ZEB2: variants seen among roughly 807,000 people sequenced by gnomAD.
The protein encoded by ZEB2 is zinc finger E-box binding homeobox 2.
ZEB2 carries 6 observed loss-of-function variants against 99.9 expected under a neutral mutation model. That is an observed-to-expected ratio of 0.06 (90% confidence interval 0.03 to 0.12). ZEB2 has a LOEUF of 0.12. Ranked by LOEUF, ZEB2 falls within the 10% of genes least tolerant of loss-of-function variation. The pLI is 1.00. For synonymous variants in ZEB2, 517 were observed against 542.5 expected (o/e 0.95, Z 0.65); for missense variants, 969 against 1,502.8 (o/e 0.64, Z 5.87).
At chr2:144,457,319 C>T (rs1346015829) in intron 2 of ZEB2, among the ~76,000 whole-genome samples, 1 of 152,134 alleles carries the variant, frequency 6.6e-6, no homozygotes, top group African/African-American at 2.4e-5. Context: ...GAAATTTTAA[C>T]TGACTTTTTC....
intron 2 of ZEB2, among the ~76,000 whole-genome samples, chr2:144,442,978 T>C (rs935598965): frequency 3.3e-5 from 5 of 152,192 alleles, no homozygotes; most frequent in Admixed American, 6.5e-5. Context: ...TTCATTATTT[T>C]TCAATGATAT....
At chr2:144,475,784 C>G (rs944464422) in intron 2 of ZEB2, among the ~76,000 whole-genome samples, 2 of 152,166 alleles carry the variant, frequency 1.3e-5, no homozygotes, top group Non-Finnish European at 2.9e-5. Flanking sequence ...CTGTCAAACC[C>G]ATACATGTGA....
intron 2 of ZEB2, among the ~76,000 whole-genome samples, chr2:144,440,511 ATATATTTTTTTTTTTTTTTTT>A (rs1283353190): frequency 0.25 from 7,564 of 29,668 alleles, 238 homozygotes; most frequent in East Asian, 0.41. Context: ...ATATATATAT[ATATATTTTTTTTTTTTTTTTT>A]TTTTTTTTTT....
At position 144,399,788 on chromosome 2, in the gene ZEB2, C is replaced by T; in HGVS notation, c.1399G>A (p.Val467Met). The T allele has an allele frequency of 6.2e-7, 1 of 1,614,106 alleles. No homozygotes were observed. The highest frequency in any genetic ancestry group is 8.5e-7 in the Non-Finnish European group (1 of 1,180,010). Residue 467 changes from valine (V) to methionine (M), a missense_variant, in exon 8 of 10, where the codon GTG becomes ATG. By Grantham distance (21) the Val-to-Met change is conservative. Transcript: ENST00000627532. This position sits in a 1 kb window ranked among gnomAD's most constrained non-coding sequence, Gnocchi z 5.6. ...TTTTGCCTGGAAACAGTATTGTCCA[C>T]AATCTGTAGAACCTTTTGTACCTCA... ...LSEVQKVLQI[V>M]DNTVSRQKMD... is the part of the protein sequence containing the mutation.
At chr2:144,511,335 AC>A (rs1275987232) in intron 2 of ZEB2, 1 of 1,120,256 alleles carries the variant, frequency 8.9e-7, no homozygotes, top group South Asian at 1.9e-5. Context: ...CAGAGGAAAC[AC>A]AAGACAAAAC....
rs776316097 is a variant in ZEB2 at position 144,418,894 on chromosome 2, C to T, written c.403+5902G>A. On this transcript the variant is annotated intron_variant, in intron 4 of 9. Transcript: ENST00000627532. ...GTGTACACTGCTTGGGTGATGGGTGCGCCAAAACCTCAGAAATCACTACTA... is the reference window on the plus strand; with the variant it reads ...GTGTACACTGCTTGGGTGATGGGTGTGCCAAAACCTCAGAAATCACTACTA... Among the ~76,000 whole-genome samples the T allele has an allele frequency of 5.7e-4, 86 of 151,586 alleles. 1 individual carries two copies. The highest frequency in any genetic ancestry group is 9.6e-4 in the Non-Finnish European group (65 of 67,952).
intron 2 of ZEB2, chr2:144,461,852 C>T (rs1023109502): frequency 6.6e-6 from 1 of 152,150 alleles, no homozygotes; most frequent in African/African-American, 2.4e-5. Flanking sequence ...CGCAGATCAC[C>T]GTTTTATTAC....
Position 144,388,656 on chromosome 2 carries a change from A to G in ZEB2, c.*795T>C, listed in dbSNP as rs1315331554. The G allele has an allele frequency of 3.3e-5, 6 of 181,076 alleles. No homozygotes were observed. The highest frequency in any genetic ancestry group is 7.1e-5 in the Non-Finnish European group (6 of 84,408). 11.2% of individuals were successfully genotyped at this position (181,076 alleles called of 1,614,324 possible). A position where few individuals can be genotyped will look rare whatever the true frequency, so the allele number is the denominator to read the frequency against. On this transcript the variant is annotated 3_prime_UTR_variant, in exon 10 of 10. Transcript: ENST00000627532. The surrounding 1 kb of genome is among the most constrained non-coding windows in gnomAD (Gnocchi z 5.4). ...TAATACTGACATGGGTGCTTCAAAGAACAGGGTGAGCTTAACACTGAAGCT... is the reference window on the plus strand; with the variant it reads ...TAATACTGACATGGGTGCTTCAAAGGACAGGGTGAGCTTAACACTGAAGCT...
intron 2 of ZEB2, among the ~76,000 whole-genome samples, chr2:144,478,661 C>T (rs963118009): frequency 3.3e-5 from 5 of 152,162 alleles, no homozygotes; most frequent in Admixed American, 1.3e-4. Context: ...TTGTATTCAA[C>T]GCCAATGCAA....
intron 2 of ZEB2, among the ~76,000 whole-genome samples, chr2:144,487,007 G>A (rs1246373569): frequency 6.6e-6 from 1 of 152,066 alleles, no homozygotes; most frequent in Non-Finnish European, 1.5e-5. Flanking sequence ...TAATTTGATA[G>A]GAAACTTCAA....
chr2:144,512,873 C>T, intron 2 of ZEB2: 1 of 1,287,232 alleles, frequency 7.8e-7, no homozygotes, highest in East Asian at 5.5e-5. Flanking sequence ...TTGGAGCGCC[C>T]TCAGAACTGG....
At chr2:144,434,703 T>C (rs1401060104) in intron 2 of ZEB2, among the ~76,000 whole-genome samples, 1 of 152,222 alleles carries the variant, frequency 6.6e-6, no homozygotes, top group East Asian at 1.9e-4. Context: ...ATTGTTACTT[T>C]CATGGATCCC....
In ZEB2 at chr2:144,424,878, A is replaced by G. The variant is rs1367365874; in HGVS notation, c.332-11T>C. ...CTTCCTTCATTTCTTCTGTGGGGGA[A>G]AATTATCTTTAGCATTTGAGAATTG... is the stretch of plus-strand genomic sequence containing the variant. On this transcript the variant is annotated splice_polypyrimidine_tract_variant and intron_variant, in intron 3 of 9. Coordinates refer to ENST00000627532, the MANE Select transcript of ZEB2 (RefSeq NM_014795.4). 6.2e-6 allele frequency: 10 copies of G among 1,613,742 alleles called. No individual in the cohort carries two copies. In the African/African-American group the frequency reaches 1.2e-4, roughly 19 times the overall value.
At chr2:144,415,795 A>C (rs1262665861) in intron 4 of ZEB2, among the ~76,000 whole-genome samples, 1 of 152,374 alleles carries the variant, frequency 6.6e-6, no homozygotes, top group South Asian at 2.1e-4. Flanking sequence ...AGAAGAGCAG[A>C]CCTAACCTCT....
At chr2:144,397,966 C>G in intron 8 of ZEB2, 1 of 358,642 alleles carries the variant, frequency 2.8e-6, no homozygotes, top group Non-Finnish European at 5.4e-6. Context: ...AAGCACGTGA[C>G]GGTTATAAAC....
At chr2:144,401,847 C>CA (rs1254681099) in intron 6 of ZEB2, among the ~76,000 whole-genome samples, 1 of 151,902 alleles carries the variant, frequency 6.6e-6, no homozygotes, top group Non-Finnish European at 1.5e-5. Context: ...AACACACAAA[C>CA]AAAAAAACCT....
intron 2 of ZEB2, among the ~76,000 whole-genome samples, chr2:144,487,964 A>G (rs1036690621): frequency 6.6e-6 from 1 of 152,168 alleles, no homozygotes; most frequent in Non-Finnish European, 1.5e-5. Context: ...AAAGCAAAAC[A>G]CCTGACATGA....
intron 2 of ZEB2, among the ~76,000 whole-genome samples, chr2:144,432,627 T>G (rs189009462): frequency 1.6e-4 from 25 of 152,292 alleles, no homozygotes; most frequent in Admixed American, 1.5e-3. Context: ...TCACGTCTAG[T>G]CAGTGGATTT....
At chr2:144,425,048 G>C (rs1021095616) in intron 3 of ZEB2, 181 bp from the exon 4 acceptor site, 1 of 633,920 alleles carries the variant, frequency 1.6e-6, no homozygotes, top group Non-Finnish European at 2.8e-6. Flanking sequence ...AGCTGCACAA[G>C]AACTTATTTA....
Sources: gnomAD v4.1 joint callset for allele counts (sites outside exome capture counted in the v4.1 genomes callset) on GRCh38, gnomAD v4.1.1 for gene constraint, Gnocchi (gnomAD v3.1) non-coding constraint, MANE v1.5 for transcripts, NCBI Gene and HGNC (gene_info 2026-07-23, HGNC 2026-07-21) for gene names.